PDE7B: variants seen among roughly 807,000 people sequenced by gnomAD.
PDE7B encodes the protein 3',5'-cyclic-AMP phosphodiesterase 7B.
PDE7B carries 29 observed loss-of-function variants against 56.2 expected under a neutral mutation model. The observed-to-expected ratio is 0.52, with a 90% CI of 0.38 to 0.70. The LOEUF is 0.70. PDE7B is among the 30% of genes least tolerant of loss of function. The pLI is 0.00. For synonymous variants in PDE7B, 197 were observed against 196.9 expected (o/e 1.00, Z 0.00); for missense variants, 490 against 565.0 (o/e 0.87, Z 1.35).
intron 2 of PDE7B, among the ~76,000 whole-genome samples, chr6:135,982,954 C>T (rs1162898716): frequency 2.0e-5 from 3 of 152,178 alleles, no homozygotes; most frequent in African/African-American, 7.2e-5. Flanking sequence ...AACTCCCAGT[C>T]TCTGTTTTGT....
intron 2 of PDE7B, among the ~76,000 whole-genome samples, chr6:136,020,355 G>T (rs1776050509): frequency 6.6e-6 from 1 of 152,056 alleles, no homozygotes; most frequent in Non-Finnish European, 1.5e-5. Flanking sequence ...TAAAGCTAAA[G>T]ATTTCATTTC....
intron 3 of PDE7B, among the ~76,000 whole-genome samples, chr6:136,135,556 G>T (rs894124992): frequency 1.3e-4 from 20 of 151,800 alleles, no homozygotes; most frequent in African/African-American, 4.8e-4. Context: ...TAATATATTT[G>T]GTTGTCATCA....
chr6:136,116,363 T>G (rs1243782660), intron 3 of PDE7B, among the ~76,000 whole-genome samples: 1 of 152,180 alleles, frequency 6.6e-6, no homozygotes, highest in African/African-American at 2.4e-5. Flanking sequence ...AAGAAGAGGA[T>G]CTCTAGAGAA....
In PDE7B at chr6:136,179,053, A is replaced by C; in HGVS notation, c.860A>C (p.Gln287Pro). ...ATCTTGGCAACAGACATCAACAGGC[A>C]GAATGAATTTTTGACCAGATTGAAA... Reference protein sequence around the residue: ...SLILATDINRQNEFLTRLKAH... With the variant: ...SLILATDINRPNEFLTRLKAH... The change falls in exon 10 of 13, where the codon CAG becomes CCG. Residue 287 changes from glutamine (Q) to proline (P), a missense_variant. Gln to Pro is a moderately conservative substitution (Grantham distance 76, BLOSUM62 -1). Transcript: ENST00000308191. 6.2e-7 allele frequency: 1 copy of C among 1,614,122 alleles called. No individual in the cohort carries two copies. Among genetic ancestry groups the C allele is most frequent in the South Asian group, 1.1e-5 (1 of 91,084 alleles).
chr6:135,886,937 C>G (rs1775719828), intron 1 of PDE7B, among the ~76,000 whole-genome samples: 1 of 152,078 alleles, frequency 6.6e-6, no homozygotes, highest in South Asian at 2.1e-4. Flanking sequence ...TTTAAGGATC[C>G]TCCCTATTGT....
rs1054594443 is a variant in PDE7B at position 136,191,705 on chromosome 6, C to T, written c.1218C>T (p.Leu406=). Residue 406 remains leucine, a synonymous_variant, in exon 13 of 13, where the codon CTC becomes CTT. Transcript: ENST00000308191. ...TGTCGGAGAACATGCTGGGCCACCTCGCACACAACAAGGCCCAGTGGAAGA... is the reference window on the plus strand; with the variant it reads ...TGTCGGAGAACATGCTGGGCCACCTTGCACACAACAAGGCCCAGTGGAAGA... ...STLSENMLGH[L]AHNKAQWKSL... is the part of the protein sequence containing the mutation. 3.7e-6 allele frequency: 6 copies of T among 1,613,286 alleles called. No individual in the cohort carries two copies. Among genetic ancestry groups the T allele is most frequent in the Admixed American group, 1.7e-5 (1 of 59,976 alleles).
chr6:135,969,415 A>G (rs1402708324), intron 2 of PDE7B, among the ~76,000 whole-genome samples: 3 of 152,164 alleles, frequency 2.0e-5, no homozygotes, highest in Non-Finnish European at 4.4e-5. Flanking sequence ...CTCTATAATG[A>G]GGAATGAATC....
intron 8 of PDE7B, among the ~76,000 whole-genome samples, chr6:136,169,443 T>C (rs1778846976): frequency 6.6e-6 from 1 of 152,168 alleles, no homozygotes; most frequent in Admixed American, 6.6e-5. Context: ...ACCAGCAAAT[T>C]TCCTAAGTAT....
At chr6:136,048,050 G>A (rs1776544973) in intron 2 of PDE7B, among the ~76,000 whole-genome samples, 1 of 151,880 alleles carries the variant, frequency 6.6e-6, no homozygotes, top group Non-Finnish European at 1.5e-5. Flanking sequence ...AACCAAGAAT[G>A]TTGAGGTAGA....
intron 3 of PDE7B, among the ~76,000 whole-genome samples, chr6:136,109,196 G>T (rs1311709913): frequency 6.6e-6 from 1 of 152,162 alleles, no homozygotes; most frequent in Non-Finnish European, 1.5e-5. Flanking sequence ...AATTAGCTGG[G>T]TATGGTGGCA....
chr6:135,879,326 G>A (rs1183689070), intron 1 of PDE7B, among the ~76,000 whole-genome samples: 3 of 152,044 alleles, frequency 2.0e-5, no homozygotes, highest in Non-Finnish European at 2.9e-5. Flanking sequence ...CAGATAACAA[G>A]TCTCTAAACT....
chr6:135,928,487 T>TTATATATATTTA (rs1774235837), intron 1 of PDE7B, among the ~76,000 whole-genome samples: 5 of 85,534 alleles, frequency 5.8e-5, no homozygotes, highest in Admixed American at 1.8e-4. Flanking sequence ...ATATATTTAT[T>TTATATATATTTA]TATATATATA....
At chr6:136,098,571 T>G (rs1388524673) in intron 2 of PDE7B, among the ~76,000 whole-genome samples, 1 of 152,172 alleles carries the variant, frequency 6.6e-6, no homozygotes, top group Non-Finnish European at 1.5e-5. Context: ...TCCAAGTTAC[T>G]TATCCATATA....
At chr6:136,149,966 A>C (rs1778483171) in intron 5 of PDE7B, among the ~76,000 whole-genome samples, 1 of 152,208 alleles carries the variant, frequency 6.6e-6, no homozygotes, top group African/African-American at 2.4e-5. Context: ...AGAATCCCAT[A>C]ATTTTGCATG....
intron 2 of PDE7B, among the ~76,000 whole-genome samples, chr6:136,011,352 T>G (rs1410042646): frequency 6.6e-6 from 1 of 152,230 alleles, no homozygotes; most frequent in Non-Finnish European, 1.5e-5. Flanking sequence ...GTGGAGCATC[T>G]TTCTTTGCAG....
intron 2 of PDE7B, among the ~76,000 whole-genome samples, chr6:135,968,646 G>A (rs996903279): frequency 3.9e-5 from 6 of 152,132 alleles, no homozygotes; most frequent in Admixed American, 1.3e-4. Context: ...ACAGATGCTG[G>A]TGAGGCTGTG....
chr6:136,078,224 C>T (rs1004365854), intron 2 of PDE7B, among the ~76,000 whole-genome samples: 3 of 152,152 alleles, frequency 2.0e-5, no homozygotes, highest in Non-Finnish European at 2.9e-5. Context: ...AGGACTCATT[C>T]GTCAGGAAAA....
intron 2 of PDE7B, among the ~76,000 whole-genome samples, chr6:136,036,741 T>C (rs1776330822): frequency 6.6e-6 from 1 of 152,192 alleles, no homozygotes; most frequent in Non-Finnish European, 1.5e-5. Context: ...CAACAGATTA[T>C]ACACCAGCAA....
At chr6:135,924,603 ATC>A (rs200131211) in intron 1 of PDE7B, among the ~76,000 whole-genome samples, 1 of 125,296 alleles carries the variant, frequency 8.0e-6, no homozygotes, top group Admixed American at 8.7e-5. Context: ...GAGTAGTGGA[ATC>A]TCTCTCTCTC....
Sources: allele counts gnomAD v4.1 joint callset (sites outside exome capture counted in the v4.1 genomes callset), GRCh38; gene constraint gnomAD v4.1.1; transcripts MANE v1.5; gene names NCBI Gene and HGNC (gene_info 2026-07-23, HGNC 2026-07-21).